Variants in HECW2 observed in about 807,000 individuals in gnomAD.
HECW2 encodes the protein E3 ubiquitin-protein ligase HECW2.
Under a neutral mutation model 175.2 loss-of-function variants are expected in HECW2, and 61 were observed. That is an observed-to-expected ratio of 0.35 (90% confidence interval 0.28 to 0.43). The LOEUF (loss-of-function observed/expected upper bound fraction) is 0.43. Among genes scored for constraint, HECW2 ranks in the 20% least tolerant of loss-of-function variants. The pLI, the probability that HECW2 is intolerant of heterozygous loss-of-function variation, is 1.00. For missense variants in HECW2, 1,524 were observed against 2,000.5 expected (o/e 0.76, Z 4.54); for synonymous variants, 671 against 731.0 (o/e 0.92, Z 1.32).
chr2:196,279,327 C>T (rs1368026489), intron 14 of HECW2, among the ~76,000 whole-genome samples: 2 of 152,124 alleles, frequency 1.3e-5, no homozygotes, highest in African/African-American at 2.4e-5. Flanking sequence ...GGATTACAGG[C>T]GTGAGCCACC....
intron 1 of HECW2, among the ~76,000 whole-genome samples, chr2:196,577,758 A>C (rs1690612030): frequency 6.6e-6 from 1 of 152,196 alleles, no homozygotes; most frequent in African/African-American, 2.4e-5. Context: ...AAGGCAATTA[A>C]GGAAATCTCT....
At chr2:196,259,359 G>T (rs1689191126) in intron 17 of HECW2, among the ~76,000 whole-genome samples, 1 of 152,144 alleles carries the variant, frequency 6.6e-6, no homozygotes, top group African/African-American at 2.4e-5. Context: ...TGGAAGGCAA[G>T]GTTTCATGTT....
rs376126888 is a variant in HECW2, at chr2:196,343,746, T to C, written c.311A>G (p.Asn104Ser). 3.7e-6 allele frequency: 6 copies of C among 1,612,886 alleles called. No homozygotes were observed. Among genetic ancestry groups the C allele is most frequent in the Admixed American group, 1.7e-5 (1 of 60,006 alleles). Reference protein sequence around the residue: ...LYHIDENSPANFWDSKNRGVT... With the variant: ...LYHIDENSPASFWDSKNRGVT... Reference sequence around the variant, plus strand: ...ACCCCTGTTCTTAGAATCCCAGAAGTTGGCTGGAGAATTCTCATCTAGAAA... The same window carrying C: ...ACCCCTGTTCTTAGAATCCCAGAAGCTGGCTGGAGAATTCTCATCTAGAAA... Residue 104 changes from asparagine to serine, a missense_variant, in exon 3 of 29, where the codon AAC (asparagine) becomes AGC (serine). By Grantham distance (46) the Asn-to-Ser change is conservative. Transcript: ENST00000644978.
Position 196,271,131 on chromosome 2 carries a change from A to G in HECW2, c.3335+62T>C, listed in dbSNP as rs1689719243. The G allele has an allele frequency of 5.2e-6, 5 of 967,292 alleles. No homozygotes were observed. In the East Asian group the frequency reaches 1.2e-4, roughly 23 times the overall value. 59.9% of individuals were successfully genotyped at this position (967,292 alleles called of 1,614,324 possible). A position where few individuals can be genotyped will look rare whatever the true frequency, so the allele number is the denominator to read the frequency against. ...ATAAATTTCCAAGACAACTATCAGT[A>G]AAACTAAGATTTAATGGTTTGTGCT... is the stretch of plus-strand genomic sequence containing the variant. On this transcript the variant is annotated intron_variant, in intron 17 of 28. Transcript: ENST00000644978.
intron 28 of HECW2, among the ~76,000 whole-genome samples, chr2:196,210,498 C>T (rs1687240573): frequency 6.6e-6 from 1 of 151,848 alleles, no homozygotes; most frequent in Non-Finnish European, 1.5e-5. Context: ...TAGTAGTGGA[C>T]ATTGGGTGGA....
intron 1 of HECW2, among the ~76,000 whole-genome samples, chr2:196,505,213 G>C (rs1420038707): frequency 1.3e-5 from 2 of 152,078 alleles, no homozygotes; most frequent in Non-Finnish European, 2.9e-5. Flanking sequence ...CAAGACAGCA[G>C]TAAGAATTAA....
chr2:196,543,320 A>G (rs1460087233), intron 1 of HECW2, among the ~76,000 whole-genome samples: 1 of 151,518 alleles, frequency 6.6e-6, no homozygotes, highest in African/African-American at 2.4e-5. Flanking sequence ...TTTGGTAAAA[A>G]AAAAAAATGT....
intron 14 of HECW2, chr2:196,288,342 A>G (rs1048450095): frequency 6.6e-6 from 1 of 152,348 alleles, no homozygotes; most frequent in Non-Finnish European, 1.5e-5. Flanking sequence ...CCACAGTATC[A>G]GAGCATGCAT....
chr2:196,300,008 G>T (rs952696101), intron 13 of HECW2, among the ~76,000 whole-genome samples: 1 of 152,096 alleles, frequency 6.6e-6, no homozygotes, highest in Non-Finnish European at 1.5e-5. Context: ...ACAATGCAGC[G>T]ATGAGGAACT....
At chr2:196,379,527 T>C (rs1694144647) in intron 2 of HECW2, among the ~76,000 whole-genome samples, 1 of 151,552 alleles carries the variant, frequency 6.6e-6, no homozygotes, top group African/African-American at 2.4e-5. Context: ...CTACTAAAAA[T>C]ACAAAAAATT....
intron 17 of HECW2, 90 bp from the exon 18 acceptor site, chr2:196,257,996 A>G: frequency 1.1e-6 from 1 of 897,906 alleles, no homozygotes; most frequent in Admixed American, 2.0e-5. Context: ...AATAGTCATG[A>G]TGTTTTTTGG....
intron 1 of HECW2, among the ~76,000 whole-genome samples, chr2:196,532,663 G>T (rs1474057124): frequency 6.7e-6 from 1 of 149,984 alleles, no homozygotes; most frequent in African/African-American, 2.5e-5. Context: ...GGGAATAAAA[G>T]TTAATATTAA....
At chr2:196,583,209 C>A (rs972593309) in intron 1 of HECW2, among the ~76,000 whole-genome samples, 1 of 152,184 alleles carries the variant, frequency 6.6e-6, no homozygotes, top group Admixed American at 6.5e-5. Flanking sequence ...ACCTACATAC[C>A]TGAACTACCC....
chr2:196,553,151 G>T (rs1481793840), intron 1 of HECW2, among the ~76,000 whole-genome samples: 1 of 152,146 alleles, frequency 6.6e-6, no homozygotes, highest in Admixed American at 6.5e-5. Context: ...AATTATTTTT[G>T]CTAGTCACAA....
chr2:196,546,038 T>C (rs1689409773), intron 1 of HECW2, among the ~76,000 whole-genome samples: 1 of 152,186 alleles, frequency 6.6e-6, no homozygotes, highest in Non-Finnish European at 1.5e-5. Flanking sequence ...TTAATAAAGG[T>C]GAGTTCTTTA....
intron 1 of HECW2, among the ~76,000 whole-genome samples, chr2:196,470,135 G>C (rs139545267): frequency 6.6e-6 from 1 of 152,012 alleles, no homozygotes; most frequent in African/African-American, 2.4e-5. Flanking sequence ...ACACAGCCAA[G>C]TAACAGAGAT....
At chr2:196,398,755 A>G (rs957580926) in intron 2 of HECW2, among the ~76,000 whole-genome samples, 49 of 152,200 alleles carry the variant, frequency 3.2e-4, no homozygotes, top group African/African-American at 1.1e-3. Flanking sequence ...AGTGAGAGCA[A>G]AAGACTCACG....
At chr2:196,580,389 A>C (rs1690729287) in intron 1 of HECW2, among the ~76,000 whole-genome samples, 1 of 152,242 alleles carries the variant, frequency 6.6e-6, no homozygotes, top group Non-Finnish European at 1.5e-5. Context: ...AATAAAGTGA[A>C]AAAACAATCT....
chr2:196,320,318 A>G, intron 8 of HECW2, 21 bp downstream of exon 8: 1 of 1,382,368 alleles, frequency 7.2e-7, no homozygotes, highest in Non-Finnish European at 1.0e-6. Context: ...ATGTATTCAT[A>G]CAGATATATT....
Sources: allele counts gnomAD v4.1 joint callset (sites outside exome capture counted in the v4.1 genomes callset), GRCh38; gene constraint gnomAD v4.1.1; transcripts MANE v1.5; gene names NCBI Gene and HGNC (gene_info 2026-07-23, HGNC 2026-07-21).